Variants in GUCY2F observed in about 807,000 individuals in gnomAD.
GUCY2F encodes the protein retinal guanylyl cyclase 2.
A neutral mutation model predicts 73.1 loss-of-function variants in GUCY2F; 61 were observed. The ratio of observed to expected loss-of-function variants is 0.83; its 90% confidence interval spans 0.68 to 1.03. The LOEUF (loss-of-function observed/expected upper bound fraction) is 1.03, where lower values mean the gene tolerates loss of function less well. GUCY2F is among the 50% of genes least tolerant of loss of function. GUCY2F has a pLI of 0.00. For synonymous variants in GUCY2F, 331 were observed against 307.8 expected (o/e 1.08, Z -0.79); for missense variants, 912 against 854.3 (o/e 1.07, Z -0.84).
At chrX:109,429,414 CAAAAAAA>C (rs60670014) in intron 8 of GUCY2F, among the ~76,000 whole-genome samples, 1 of 41,948 alleles carries the variant, frequency 2.4e-5, no homozygotes, top group Non-Finnish European at 4.7e-5. Flanking sequence ...AATTCCAGCT[CAAAAAAA>C]AAAAAAAAGA....
At chrX:109,459,119 C>G (rs998745572) in intron 3 of GUCY2F, among the ~76,000 whole-genome samples, 2 of 111,082 alleles carry the variant, frequency 1.8e-5, no homozygotes, top group African/African-American at 6.6e-5. Flanking sequence ...CTCTCTTTCT[C>G]CTCTCAAACA....
At chrX:109,379,396 G>A (rs1166488298) in intron 17 of GUCY2F, among the ~76,000 whole-genome samples, 1 of 111,041 alleles carries the variant, frequency 9.0e-6, no homozygotes, top group Non-Finnish European at 1.9e-5. Flanking sequence ...AAAAAAAAAT[G>A]TTAAGTATTT....
chrX:109,392,132 A>G, intron 13 of GUCY2F, 29 bp from the exon 14 acceptor site: 1 of 1,091,680 alleles, frequency 9.2e-7, no homozygotes, highest in Non-Finnish European at 1.2e-6. Flanking sequence ...TATTCCTAAG[A>G]TGACACTGGT....
intron 14 of GUCY2F, among the ~76,000 whole-genome samples, chrX:109,391,194 A>G (rs1488009455): frequency 8.9e-6 from 1 of 111,895 alleles, no homozygotes; most frequent in African/African-American, 3.2e-5. Context: ...ATGTAAAAAA[A>G]GGTAAGGAGG....
intron 9 of GUCY2F, among the ~76,000 whole-genome samples, chrX:109,405,325 C>T (rs887834267): frequency 1.4e-4 from 16 of 111,219 alleles, no homozygotes; most frequent in Admixed American, 4.8e-4. Context: ...TGAGTAAATG[C>T]GAGTATTTTT....
In GUCY2F at chrX:109,398,695, A is replaced by T. The variant is rs149400167; in HGVS notation, c.2129T>A (p.Leu710Gln). The change falls in exon 11 of 20, where the codon CTG becomes CAG. Residue 710 changes from leucine to glutamine, a missense_variant. Transcript: ENST00000218006. ...LSEEESSMEE[L>Q]LWTAPELLRA... ...CAACAGTTCAGGGGCCGTCCACAGC[A>T]GCTCTAAAAAGAAAGCATTGTGTAA... The T allele has an allele frequency of 2.1e-4, 253 of 1,205,552 alleles. No homozygotes were observed. Among genetic ancestry groups the T allele is most frequent in the South Asian group, 3.7e-4 (21 of 56,030 alleles).
intron 3 of GUCY2F, among the ~76,000 whole-genome samples, chrX:109,461,584 G>A (rs1296846637): frequency 9.0e-6 from 1 of 111,606 alleles, no homozygotes; most frequent in African/African-American, 3.3e-5. Context: ...TAAAATCTAA[G>A]GTCTATAAGG....
chrX:109,475,980 T>TGG lies in GUCY2F; in HGVS notation c.-45_-44insCC, dbSNP rs770256857. On this transcript the variant is annotated 5_prime_UTR_variant, in exon 2 of 20. Transcript: ENST00000218006. ...AAGCTAATGACGAGATACTGGAGAGTTATTCTGCTTTCCCGACACAGACGG... is the reference window on the plus strand; with the variant it reads ...AAGCTAATGACGAGATACTGGAGAGTGGTATTCTGCTTTCCCGACACAGACGG... 10 of 1,115,881 alleles carry TGG rather than the reference T, an allele frequency of 9.0e-6. No homozygotes were observed. The highest frequency in any genetic ancestry group is 1.2e-5 in the Non-Finnish European group (10 of 839,380). 92.0% of individuals were successfully genotyped at this position (1,115,881 alleles called of 1,213,427 possible).
intron 8 of GUCY2F, among the ~76,000 whole-genome samples, chrX:109,420,406 G>A (rs1283596151): frequency 2.8e-5 from 3 of 108,157 alleles, no homozygotes; most frequent in African/African-American, 1.0e-4. Context: ...GAGGGACAAA[G>A]GGGGAGGAAA....
intron 3 of GUCY2F, among the ~76,000 whole-genome samples, chrX:109,458,713 CAAT>C (rs1224507073): frequency 9.0e-6 from 1 of 110,672 alleles, no homozygotes; most frequent in Non-Finnish European, 1.9e-5. Context: ...GCCTGACCCA[CAAT>C]AATAATAATA....
At chrX:109,397,105 G>C (rs904618505) in intron 11 of GUCY2F, among the ~76,000 whole-genome samples, 1 of 112,045 alleles carries the variant, frequency 8.9e-6, no homozygotes, top group Non-Finnish European at 1.9e-5. Flanking sequence ...AGGTTTCCCA[G>C]AGAAGGTGAC....
chrX:109,437,116 C>T (rs963501553), intron 7 of GUCY2F, among the ~76,000 whole-genome samples: 1 of 111,354 alleles, frequency 9.0e-6, no homozygotes, highest in East Asian at 2.8e-4. Flanking sequence ...TCTGTTAATG[C>T]GATTGGCTTA....
intron 9 of GUCY2F, among the ~76,000 whole-genome samples, chrX:109,405,802 C>A (rs902033916): frequency 3.6e-5 from 4 of 111,575 alleles, no homozygotes; most frequent in African/African-American, 1.3e-4. Context: ...AGAAAAAGTA[C>A]TAGAATAAGA....
chrX:109,427,320 T>C (rs1024382013), intron 8 of GUCY2F, among the ~76,000 whole-genome samples: 8 of 112,536 alleles, frequency 7.1e-5, no homozygotes, highest in Non-Finnish European at 1.5e-4. Flanking sequence ...TCCAGGATAC[T>C]TTCCATTTGC....
At chrX:109,435,342 C>T (rs1193423028) in intron 7 of GUCY2F, among the ~76,000 whole-genome samples, 2 of 105,770 alleles carry the variant, frequency 1.9e-5, no homozygotes, top group Non-Finnish European at 3.9e-5. Context: ...AGGTCCTTCA[C>T]ATCCCTTGTA....
intron 2 of GUCY2F, among the ~76,000 whole-genome samples, chrX:109,470,804 A>T (rs1483109726): frequency 9.0e-6 from 1 of 111,730 alleles, no homozygotes; most frequent in Admixed American, 9.5e-5. Flanking sequence ...TTTGAGAGCC[A>T]CTGCTTTAGA....
At chrX:109,428,603 G>A (rs964688544) in intron 8 of GUCY2F, among the ~76,000 whole-genome samples, 4 of 111,962 alleles carry the variant, frequency 3.6e-5, no homozygotes, top group African/African-American at 9.7e-5. Flanking sequence ...AATATTAGCT[G>A]TATTGTATAA....
At chrX:109,450,066 G>C (rs983479337) in intron 5 of GUCY2F, among the ~76,000 whole-genome samples, 18 of 111,064 alleles carry the variant, frequency 1.6e-4, no homozygotes, top group African/African-American at 5.2e-4. Flanking sequence ...CAGCAAAGAG[G>C]GGGTATCTTT....
intron 3 of GUCY2F, among the ~76,000 whole-genome samples, chrX:109,461,962 G>C (rs1932372193): frequency 8.9e-6 from 1 of 112,542 alleles, no homozygotes; most frequent in African/African-American, 3.2e-5. Context: ...AATTTGATCT[G>C]AGAATATGCC....
Sources: gnomAD v4.1 joint callset for allele counts (sites outside exome capture counted in the v4.1 genomes callset) on GRCh38, gnomAD v4.1.1 for gene constraint, MANE v1.5 for transcripts, NCBI Gene and HGNC (gene_info 2026-07-23, HGNC 2026-07-21) for gene names.